The following CSE1L variants were observed in gnomAD, a reference collection of about 807,000 sequenced individuals.
CSE1L encodes exportin-2.
In CSE1L, 24 loss-of-function variants were observed where a neutral mutation model predicts 120.4. The ratio of observed to expected loss-of-function variants is 0.20; its 90% confidence interval spans 0.14 to 0.28. CSE1L has a LOEUF of 0.28. Among genes scored for constraint, CSE1L ranks in the 10% least tolerant of loss-of-function variants. CSE1L has a pLI of 1.00. For synonymous variants in CSE1L, 402 were observed against 398.3 expected, an observed-to-expected ratio of 1.01 and a Z score of -0.11; for missense variants, 830 against 1,145.2, an observed-to-expected ratio of 0.72 and a Z score of 3.97.
intron 19 of CSE1L, 94 bp from the exon 20 acceptor site, chr20:49,090,648 C>A: frequency 1.1e-6 from 1 of 886,876 alleles, no homozygotes; most frequent in Non-Finnish European, 1.9e-6. Context: ...TAGATTATTA[C>A]AGTATGAACT....
At chr20:49,075,575 C>A in intron 12 of CSE1L, 55 bp downstream of exon 12, 3 of 1,390,422 alleles carry the variant, frequency 2.2e-6, no homozygotes, top group Non-Finnish European at 3.0e-6. Flanking sequence ...GACACCCACA[C>A]AAGTCAAAAA....
At chr20:49,068,885 C>A in intron 7 of CSE1L, 63 bp downstream of exon 7, 1 of 1,183,846 alleles carries the variant, frequency 8.4e-7, no homozygotes, top group Non-Finnish European at 1.2e-6. Flanking sequence ...AGTTTTCTTT[C>A]TGTTTGATAA....
chr20:49,060,916 A>C (rs2123676295), intron 2 of CSE1L, among the ~76,000 whole-genome samples: 1 of 152,332 alleles, frequency 6.6e-6, no homozygotes, highest in East Asian at 1.9e-4. Context: ...ACCAATGTGC[A>C]TGCTCATAGA....
chr20:49,091,503 G>C (rs1201609527), intron 21 of CSE1L, among the ~76,000 whole-genome samples: 1 of 151,940 alleles, frequency 6.6e-6, no homozygotes, highest in Non-Finnish European at 1.5e-5. Context: ...GGAGGTGAAA[G>C]TGGGAGTATT....
intron 1 of CSE1L, among the ~76,000 whole-genome samples, chr20:49,056,104 T>G (rs1382701852): frequency 6.6e-6 from 1 of 152,028 alleles, no homozygotes; most frequent in African/African-American, 2.4e-5. Flanking sequence ...TGGAGTTTTC[T>G]AAAATCGCTT....
At chr20:49,052,514 C>T (rs1316069042) in intron 1 of CSE1L, among the ~76,000 whole-genome samples, 1 of 152,138 alleles carries the variant, frequency 6.6e-6, no homozygotes, top group Non-Finnish European at 1.5e-5. Flanking sequence ...GTTTGTAGAA[C>T]AGAAGGCTTT....
chr20:49,080,246 G>A lies in CSE1L; in HGVS notation c.1482+1624G>A, dbSNP rs1350498881. Among the ~76,000 whole-genome samples, 10 of 140,310 alleles carry A rather than the reference G, an allele frequency of 7.1e-5. No homozygotes were observed. In the South Asian group the frequency reaches 2.4e-3, roughly 33 times the overall value. The allele number at this position is 140,310 out of a possible 152,430, so 92.0% of individuals were successfully genotyped here. Reference sequence around the variant, plus strand: ...ATCAGGATATACACAATATCTGGTTGTTTTGTTTTTTTTTATTTTTTTTGT... The same window carrying A: ...ATCAGGATATACACAATATCTGGTTATTTTGTTTTTTTTTATTTTTTTTGT... On this transcript the variant is annotated intron_variant, in intron 14 of 24. Coordinates refer to ENST00000262982, the MANE Select transcript of CSE1L (RefSeq NM_001316.4).
rs59986218 is a variant in CSE1L, at chr20:49,047,564, CTTTTTTTTTTTTTTTT to C, written c.-12+1154_-12+1169del. ...TCTTTTTCTTTTTCTTTTCTCTTTTCTTTTTTTTTTTTTTTTTTTTTTTTTTTTGAGAGAGAGAGTC... is the reference window on the plus strand; with the variant it reads ...TCTTTTTCTTTTTCTTTTCTCTTTTCTTTTTTTTTTTTGAGAGAGAGAGTC... On this transcript the variant is annotated intron_variant, in intron 1 of 24. Transcript: ENST00000262982. 5.6e-3 allele frequency among the ~76,000 whole-genome samples: 390 copies of C among 69,924 alleles called. 15 individuals are homozygous for C. Among genetic ancestry groups the C allele is most frequent in the East Asian group, 0.045 (158 of 3,538 alleles). 45.9% of individuals were successfully genotyped at this position (69,924 alleles called of 152,430 possible). A position where few individuals can be genotyped will look rare whatever the true frequency, so the allele number is the denominator to read the frequency against.
At chr20:49,053,712 T>C (rs1053686915) in intron 1 of CSE1L, among the ~76,000 whole-genome samples, 1 of 152,142 alleles carries the variant, frequency 6.6e-6, no homozygotes, top group Non-Finnish European at 1.5e-5. Context: ...AATAGGAAAA[T>C]AAATGGATTA....
At chr20:49,082,423 C>G (rs777412337) in intron 14 of CSE1L, among the ~76,000 whole-genome samples, 13 of 151,962 alleles carry the variant, frequency 8.6e-5, no homozygotes, top group Admixed American at 8.5e-4. Context: ...GGATTACAGT[C>G]GTGATTCACC....
At chr20:49,046,597 C>T (rs560712702) in intron 1 of CSE1L, among the ~76,000 whole-genome samples, 174 bp downstream of exon 1, 1 of 152,318 alleles carries the variant, frequency 6.6e-6, no homozygotes, top group South Asian at 2.1e-4. Context: ...CTTCGGCTTC[C>T]CTAGGGAGCG....
At chr20:49,056,529 A>G (rs2091808577) in intron 1 of CSE1L, among the ~76,000 whole-genome samples, 1 of 152,192 alleles carries the variant, frequency 6.6e-6, no homozygotes, top group Non-Finnish European at 1.5e-5. Flanking sequence ...ATTTTAGAAC[A>G]CTCTGTCACC....
At chr20:49,051,750 T>A (rs982609351) in intron 1 of CSE1L, among the ~76,000 whole-genome samples, 5 of 152,234 alleles carry the variant, frequency 3.3e-5, no homozygotes, top group African/African-American at 1.2e-4. Flanking sequence ...CAGATTGGAA[T>A]GCAATGGCAT....
rs1053155043 is a variant in CSE1L, at chr20:49,061,850, T to A, written c.86-1352T>A. 3.3e-5 allele frequency among the ~76,000 whole-genome samples: 5 copies of A among 152,186 alleles called. No homozygotes were observed. The East Asian group carries it at 9.7e-4, about 29-fold the overall frequency. ...GTGAGGCAAGAGTTCTGTTGCTTTA[T>A]GTATTCAGGACAGAGTATAAAAATA... On this transcript the variant is annotated intron_variant, in intron 2 of 24. Transcript: ENST00000262982.
intron 12 of CSE1L, among the ~76,000 whole-genome samples, chr20:49,076,201 TTTTG>T (rs2091967146): frequency 7.1e-6 from 1 of 141,152 alleles, no homozygotes; most frequent in African/African-American, 2.6e-5. Context: ...TTTTGTTTTG[TTTTG>T]AGACGGAGTT....
At chr20:49,050,804 G>A (rs1600581796) in intron 1 of CSE1L, among the ~76,000 whole-genome samples, 1 of 151,732 alleles carries the variant, frequency 6.6e-6, no homozygotes, top group East Asian at 1.9e-4. Flanking sequence ...TCAAGTGATC[G>A]TCCCATCTCC....
intron 1 of CSE1L, among the ~76,000 whole-genome samples, chr20:49,057,359 T>C (rs2091816800): frequency 6.6e-6 from 1 of 152,150 alleles, no homozygotes; most frequent in Non-Finnish European, 1.5e-5. Context: ...TGCGATTACA[T>C]GTTGTACATG....
intron 8 of CSE1L, among the ~76,000 whole-genome samples, chr20:49,071,271 A>G (rs987274854): frequency 5.3e-5 from 8 of 152,218 alleles, no homozygotes; most frequent in Non-Finnish European, 1.0e-4. Context: ...ACTTTAAAAG[A>G]TGTAGCTCTC....
intron 1 of CSE1L, among the ~76,000 whole-genome samples, chr20:49,049,202 T>A (rs961801761): frequency 1.3e-5 from 2 of 152,136 alleles, no homozygotes; most frequent in African/African-American, 4.8e-5. Flanking sequence ...TTAAAGGTGA[T>A]AAAAATGAAT....
Sources: gnomAD v4.1 joint callset for allele counts (sites outside exome capture counted in the v4.1 genomes callset) on GRCh38, gnomAD v4.1.1 for gene constraint, MANE v1.5 for transcripts, NCBI Gene and HGNC (gene_info 2026-07-23, HGNC 2026-07-21) for gene names.